The following CMC1 variants were observed in gnomAD, a reference collection of about 807,000 sequenced individuals.
The protein encoded by CMC1 is COX assembly mitochondrial protein homolog.
In CMC1, 14 loss-of-function variants were observed where a neutral mutation model predicts 14.1. The observed-to-expected ratio is 0.99, with a 90% CI of 0.66 to 1.55. The LOEUF (loss-of-function observed/expected upper bound fraction) is 1.55. CMC1 is among the 40% of genes most tolerant of loss of function. The probability of loss-of-function intolerance (pLI) is 0.00; values close to 1 mark genes in which losing one functional copy is unlikely to be tolerated. For missense variants in CMC1, 127 were observed against 123.8 expected (o/e 1.03, Z -0.12); for synonymous variants, 50 against 38.4 (o/e 1.30, Z -1.12).
chr3:28,256,798 A>G (rs1405480638), intron 1 of CMC1, among the ~76,000 whole-genome samples: 1 of 152,214 alleles, frequency 6.6e-6, no homozygotes, highest in South Asian at 2.1e-4. Context: ...TTACTACTTA[A>G]CCACTTTTCT....
chr3:28,314,281 G>C (rs1702781154), intron 2 of CMC1, among the ~76,000 whole-genome samples: 1 of 152,186 alleles, frequency 6.6e-6, no homozygotes, highest in South Asian at 2.1e-4. Context: ...TTGACTTTTA[G>C]ATAGCCATGT....
chr3:28,258,882 C>G (rs1275854060), intron 1 of CMC1, among the ~76,000 whole-genome samples: 1 of 152,048 alleles, frequency 6.6e-6, no homozygotes, highest in Non-Finnish European at 1.5e-5. Flanking sequence ...CTCGGCCTCC[C>G]AAAGTGCTGG....
chr3:28,268,513 C>A (rs1015955340), intron 2 of CMC1, among the ~76,000 whole-genome samples: 1 of 152,056 alleles, frequency 6.6e-6, no homozygotes, highest in Admixed American at 6.6e-5. Flanking sequence ...TAACATGTAC[C>A]AAAATTTCAG....
At chr3:28,278,044 C>G (rs1334899741) in intron 2 of CMC1, among the ~76,000 whole-genome samples, 2 of 143,618 alleles carry the variant, frequency 1.4e-5, no homozygotes, top group South Asian at 2.4e-4. Flanking sequence ...CCATTTTTGT[C>G]TGATTGTGTG....
chr3:28,286,192 A>G (rs982290546), intron 2 of CMC1, among the ~76,000 whole-genome samples: 2 of 152,136 alleles, frequency 1.3e-5, no homozygotes, highest in Admixed American at 6.5e-5. Flanking sequence ...GTACATTTTT[A>G]TATTGATAGA....
chr3:28,274,224 T>C (rs1381406833), intron 2 of CMC1, among the ~76,000 whole-genome samples: 2 of 144,196 alleles, frequency 1.4e-5, no homozygotes, highest in Non-Finnish European at 3.0e-5. Context: ...TTTTTTCTTT[T>C]TTTTTTTTTT....
chr3:28,308,863 G>A lies in CMC1; in HGVS notation c.110-7470G>A, dbSNP rs148834127. On this transcript the variant is annotated intron_variant, in intron 2 of 3. Coordinates refer to ENST00000466830, the MANE Select transcript of CMC1 (RefSeq NM_182523.2). ...CCCTGTGTGGTGGCGCATGCCTGTA[G>A]TCCCAGCTACTCGGGAGGCTGAGGC... Among the ~76,000 whole-genome samples, 869 of 152,154 alleles carry A rather than the reference G, an allele frequency of 5.7e-3. 3 individuals are homozygous for A. The highest frequency in any genetic ancestry group is 8.2e-3 in the Non-Finnish European group (557 of 67,998).
rs548533238 is a variant in CMC1, at chr3:28,290,456, A to G, written c.110-25877A>G. Among the ~76,000 whole-genome samples the G allele has an allele frequency of 7.7e-4, 118 of 152,260 alleles. 3 individuals are homozygous for G. The highest frequency in any genetic ancestry group is 1.4e-3 in the Non-Finnish European group (92 of 68,018). The stretch of plus-strand genomic sequence containing the variant: ...TTGCATCAGTATTTTATGACATTAA[A>G]TGTTGCTCTGGGAAGTCTGAGAGCA... On this transcript the variant is annotated intron_variant, in intron 2 of 3. Coordinates refer to ENST00000466830, the MANE Select transcript of CMC1 (RefSeq NM_182523.2).
intron 2 of CMC1, among the ~76,000 whole-genome samples, chr3:28,267,986 G>C (rs1002748429): frequency 3.9e-4 from 60 of 152,308 alleles, no homozygotes; most frequent in African/African-American, 1.3e-3. Flanking sequence ...CAGTGCACCA[G>C]TATTAACTAA....
At chr3:28,275,522 C>G (rs913169187) in intron 2 of CMC1, among the ~76,000 whole-genome samples, 8 of 151,892 alleles carry the variant, frequency 5.3e-5, no homozygotes, top group African/African-American at 9.7e-5. Flanking sequence ...GGGGCACCGA[C>G]CTGATGCCAG....
intron 2 of CMC1, among the ~76,000 whole-genome samples, chr3:28,267,437 C>T (rs866037885): frequency 5.9e-5 from 9 of 152,234 alleles, no homozygotes; most frequent in Middle Eastern, 3.4e-3. Context: ...ATTTTGTCAT[C>T]AGGGATGGGC....
intron 1 of CMC1, among the ~76,000 whole-genome samples, chr3:28,244,737 A>G (rs1688779009): frequency 6.6e-6 from 1 of 152,172 alleles, no homozygotes; most frequent in African/African-American, 2.4e-5. Context: ...AAAAAAAAAA[A>G]AAGAGGAAAT....
At chr3:28,274,853 C>CAGCA (rs561087051) in intron 2 of CMC1, among the ~76,000 whole-genome samples, 1 of 152,042 alleles carries the variant, frequency 6.6e-6, no homozygotes. Context: ...TGTCTTATTT[C>CAGCA]AGCAAGATAG....
intron 2 of CMC1, among the ~76,000 whole-genome samples, chr3:28,266,018 T>A (rs1271168116): frequency 1.8e-4 from 28 of 152,156 alleles, no homozygotes; most frequent in Admixed American, 1.8e-3. Context: ...AGTCCAAATG[T>A]TACCTATTGA....
intron 1 of CMC1, among the ~76,000 whole-genome samples, chr3:28,249,092 T>G (rs1698995531): frequency 6.6e-6 from 1 of 152,184 alleles, no homozygotes; most frequent in South Asian, 2.1e-4. Flanking sequence ...GCCCAGCCTA[T>G]TTTTGCATTT....
Position 28,310,151 on chromosome 3 carries a change from A to G in CMC1, c.110-6182A>G, listed in dbSNP as rs149572267. 7.7e-3 allele frequency among the ~76,000 whole-genome samples: 1,169 copies of G among 152,258 alleles called. 18 individuals carry two copies. Among genetic ancestry groups the G allele is most frequent in the African/African-American group, 0.026 (1,081 of 41,534 alleles). ...ACATCATAGCTTAAGAGTATTTCAC[A>G]TTGGAATTCCCTCCTGAGTGTGTCT... On this transcript the variant is annotated intron_variant, in intron 2 of 3. Coordinates refer to ENST00000466830, the MANE Select transcript of CMC1 (RefSeq NM_182523.2).
At chr3:28,305,124 A>G (rs1304818761) in intron 2 of CMC1, among the ~76,000 whole-genome samples, 2 of 151,886 alleles carry the variant, frequency 1.3e-5, no homozygotes, top group African/African-American at 4.8e-5. Flanking sequence ...TCTATAATTT[A>G]TATCTTTTTG....
chr3:28,284,372 A>G (rs959929316), intron 2 of CMC1, among the ~76,000 whole-genome samples: 4 of 152,206 alleles, frequency 2.6e-5, no homozygotes, highest in Non-Finnish European at 5.9e-5. Flanking sequence ...TGCCTGTACA[A>G]TCGATGTGTA....
At chr3:28,275,981 G>A (rs942011490) in intron 2 of CMC1, among the ~76,000 whole-genome samples, 1 of 151,996 alleles carries the variant, frequency 6.6e-6, no homozygotes, top group Admixed American at 6.5e-5. Context: ...AGGGGAAAAT[G>A]GCAGACTGGA....
Sources: gnomAD v4.1 joint callset for allele counts (sites outside exome capture counted in the v4.1 genomes callset) on GRCh38, gnomAD v4.1.1 for gene constraint, MANE v1.5 for transcripts, NCBI Gene and HGNC (gene_info 2026-07-23, HGNC 2026-07-21) for gene names.